The following DDAH1 variants were observed in gnomAD, a reference collection of about 807,000 sequenced individuals.
DDAH1 encodes N(G),N(G)-dimethylarginine dimethylaminohydrolase 1.
Under a neutral mutation model 28.8 loss-of-function variants are expected in DDAH1, and 19 were observed. The observed-to-expected ratio is 0.66, with a 90% CI of 0.46 to 0.97. The LOEUF (loss-of-function observed/expected upper bound fraction) is 0.97. DDAH1 is among the 50% of genes least tolerant of loss of function. The pLI is 0.00. For missense variants in DDAH1, 326 were observed against 375.9 expected, an observed-to-expected ratio of 0.87 and a Z score of 1.10; for synonymous variants, 153 against 154.4, an observed-to-expected ratio of 0.99 and a Z score of 0.07.
chr1:85,460,726 T>C (rs529616561), intron 1 of DDAH1, among the ~76,000 whole-genome samples: 91 of 152,294 alleles, frequency 6.0e-4, no homozygotes, highest in Middle Eastern at 3.4e-3. Flanking sequence ...ACTCAAGAAA[T>C]TGGCATTAGT....
At chr1:85,411,284 T>G (rs1387504391) in intron 1 of DDAH1, among the ~76,000 whole-genome samples, 6 of 152,198 alleles carry the variant, frequency 3.9e-5, no homozygotes, top group Non-Finnish European at 1.5e-5. Flanking sequence ...ATTAAACATT[T>G]GGAACAATTG....
chr1:85,572,264 G>A (rs1479168769), intron 1 of DDAH1, among the ~76,000 whole-genome samples: 1 of 152,032 alleles, frequency 6.6e-6, no homozygotes, highest in Non-Finnish European at 1.5e-5. Context: ...GAAACTGTGG[G>A]CCACAGTTAC....
chr1:85,494,928 T>C (rs1656531368), intron 2 of DDAH1: 1 of 152,212 alleles, frequency 6.6e-6, no homozygotes, highest in Admixed American at 6.5e-5. Flanking sequence ...AGATTCCCAT[T>C]GTGGACTCAC....
intron 1 of DDAH1, among the ~76,000 whole-genome samples, chr1:85,370,577 G>A (rs1271799772): frequency 6.9e-6 from 1 of 145,702 alleles, no homozygotes; most frequent in African/African-American, 2.5e-5. Context: ...AGGGAACTTA[G>A]TTAAAAAGCA....
At chr1:85,323,981 A>AC (rs1272235781) in intron 5 of DDAH1, among the ~76,000 whole-genome samples, 1 of 151,552 alleles carries the variant, frequency 6.6e-6, no homozygotes, top group Non-Finnish European at 1.5e-5. Context: ...AAAAAAAAAA[A>AC]AAAAAGGACT....
At chr1:85,463,364 T>A (rs1655208668) in intron 1 of DDAH1, among the ~76,000 whole-genome samples, 1 of 152,174 alleles carries the variant, frequency 6.6e-6, no homozygotes, top group Non-Finnish European at 1.5e-5. Flanking sequence ...TTTGAAAGGG[T>A]TTTGAAATCG....
intron 1 of DDAH1, among the ~76,000 whole-genome samples, chr1:85,540,280 A>G (rs1404518976): frequency 2.0e-5 from 3 of 151,838 alleles, no homozygotes; most frequent in South Asian, 2.1e-4. Flanking sequence ...CTTCCTCTTT[A>G]TGTTCCTTAC....
Position 85,321,289 on chromosome 1 carries a change from G to T in DDAH1, c.*163C>A. On this transcript the variant is annotated 3_prime_UTR_variant, in exon 6 of 6. Coordinates refer to ENST00000284031, the MANE Select transcript of DDAH1 (RefSeq NM_012137.4). ...AGGTACCACCTCGAGGGGAGGGAGG[G>T]TGGGGGTGTTGAATGAAGCAATTCA... The T allele has an allele frequency of 1.7e-6, 1 of 593,932 alleles. No homozygotes were observed. Among genetic ancestry groups the T allele is most frequent in the Non-Finnish European group, 3.0e-6 (1 of 331,694 alleles). The allele number at this position is 593,932 out of a possible 1,614,324, so 36.8% of individuals were successfully genotyped here.
intron 1 of DDAH1, among the ~76,000 whole-genome samples, chr1:85,368,283 A>G (rs1650181338): frequency 6.6e-6 from 1 of 152,198 alleles, no homozygotes; most frequent in South Asian, 2.1e-4. Flanking sequence ...AAGGGCATAT[A>G]GCATCTAGGA....
intron 1 of DDAH1, among the ~76,000 whole-genome samples, chr1:85,396,824 C>T (rs910406555): frequency 6.6e-6 from 1 of 151,822 alleles, no homozygotes; most frequent in Non-Finnish European, 1.5e-5. Context: ...TGCTTGAGTC[C>T]GGGAGTTCAA....
At chr1:85,533,127 C>T (rs1319477086) in intron 1 of DDAH1, among the ~76,000 whole-genome samples, 171 of 152,122 alleles carry the variant, frequency 1.1e-3, no homozygotes, top group Non-Finnish European at 2.0e-3. Flanking sequence ...TGTCCCTTCA[C>T]CAAAGAACCT....
intron 4 of DDAH1, among the ~76,000 whole-genome samples, chr1:85,332,190 T>G (rs1282673052): frequency 6.6e-6 from 1 of 152,166 alleles, no homozygotes; most frequent in African/African-American, 2.4e-5. Context: ...CAGACTGCAT[T>G]GTGCCCTGGG....
chr1:85,546,624 T>C (rs1658635703), intron 1 of DDAH1, among the ~76,000 whole-genome samples: 1 of 152,068 alleles, frequency 6.6e-6, no homozygotes, highest in Non-Finnish European at 1.5e-5. Context: ...CAGAAGCAAA[T>C]GGAAGTAAAT....
chr1:85,375,426 T>C (rs1187545213), intron 1 of DDAH1, among the ~76,000 whole-genome samples: 1 of 152,112 alleles, frequency 6.6e-6, no homozygotes, highest in African/African-American at 2.4e-5. Context: ...ATGTACCCCA[T>C]TTTATAACTA....
At chr1:85,354,472 A>AT (rs528214766) in intron 2 of DDAH1, among the ~76,000 whole-genome samples, 154 of 152,178 alleles carry the variant, frequency 1.0e-3, no homozygotes, top group African/African-American at 3.5e-3. Context: ...CAGATCCATT[A>AT]TTTTTTTATT....
chr1:85,429,942 C>T (rs1653591659), intron 1 of DDAH1, among the ~76,000 whole-genome samples: 1 of 152,140 alleles, frequency 6.6e-6, no homozygotes, highest in African/African-American at 2.4e-5. Flanking sequence ...AAATTTTCTC[C>T]CATCCTGTAG....
intron 1 of DDAH1, among the ~76,000 whole-genome samples, chr1:85,520,483 C>T (rs1296657301): frequency 6.6e-6 from 1 of 152,158 alleles, no homozygotes; most frequent in African/African-American, 2.4e-5. Flanking sequence ...AAGGATGATA[C>T]TGTTTGAAAA....
chr1:85,396,565 A>T (rs1369019034), intron 1 of DDAH1, among the ~76,000 whole-genome samples: 1 of 152,196 alleles, frequency 6.6e-6, no homozygotes, highest in African/African-American at 2.4e-5. Context: ...ATTGGGGATC[A>T]AATTTCAACA....
At chr1:85,406,345 T>C (rs1652402425) in intron 1 of DDAH1, among the ~76,000 whole-genome samples, 2 of 152,218 alleles carry the variant, frequency 1.3e-5, no homozygotes, top group Non-Finnish European at 2.9e-5. Context: ...AAAATATTTT[T>C]TTAAGATACA....
Sources: allele counts gnomAD v4.1 joint callset (sites outside exome capture counted in the v4.1 genomes callset), GRCh38; gene constraint gnomAD v4.1.1; transcripts MANE v1.5; gene names NCBI Gene and HGNC (gene_info 2026-07-23, HGNC 2026-07-21).